Variants in PLEC observed in about 807,000 individuals in gnomAD.
PLEC encodes the protein plectin.
Under a neutral mutation model 392.8 loss-of-function variants are expected in PLEC, and 216 were observed. The observed-to-expected ratio is 0.55, with a 90% CI of 0.49 to 0.62. The LOEUF (loss-of-function observed/expected upper bound fraction) is 0.62. PLEC is among the 20% of genes least tolerant of loss of function. The pLI, the probability that PLEC is intolerant of heterozygous loss-of-function variation, is 0.00. For synonymous variants in PLEC, 3,621 were observed against 2,980.6 expected (o/e 1.21, Z -7.00); for missense variants, 6,863 against 6,563.4 (o/e 1.05, Z -1.58).
Position 143,916,477 on chromosome 8 carries a change from G to T in PLEC, c.13344C>A (p.Asp4448Glu), listed in dbSNP as rs192224737. Reference protein sequence around the residue: ...PKTKLKISYKDALDRSMVEEG... With the variant: ...PKTKLKISYKEALDRSMVEEG... The stretch of plus-strand genomic sequence containing the variant: ...CCTCCACCATGCTGCGGTCCAGCGC[G>T]TCCTTATAGGAGATCTTGAGCTTGG... The change falls in exon 32 of 32, where the codon GAC (aspartate) becomes GAA (glutamate). Residue 4448 changes from aspartate (D) to glutamate (E), a missense_variant. Physicochemically the swap from Asp to Glu is conservative, Grantham distance 45. Coordinates refer to ENST00000345136, the MANE Select transcript of PLEC (RefSeq NM_201384.3). 1 of 1,611,494 alleles carries T rather than the reference G, an allele frequency of 6.2e-7. No individual in the cohort carries two copies. The highest frequency in any genetic ancestry group is 8.5e-7 in the Non-Finnish European group (1 of 1,179,342).
upstream of PLEC, chr8:143,975,078 CTCCCCCACCCAG>C (rs1332021438): frequency 7.4e-7 from 1 of 1,355,424 alleles, no homozygotes; most frequent in Non-Finnish European, 1.0e-6. This position sits in a 1 kb window ranked among gnomAD's most constrained non-coding sequence, Gnocchi z 9.9. Flanking sequence ...CCCCCTAGGC[CTCCCCCACCCAG>C]TCCCCGCTCC....
rs1833328617 is a variant in PLEC at position 143,969,875 on chromosome 8, G to A, written c.70+3528C>T. 1.3e-5 allele frequency among the ~76,000 whole-genome samples: 2 copies of A among 151,968 alleles called. No individual in the cohort carries two copies. Among genetic ancestry groups the A allele is most frequent in the Non-Finnish European group, 2.9e-5 (2 of 67,960 alleles). On this transcript the variant is annotated intron_variant, in intron 1 of 31. Transcript: ENST00000356346. The surrounding 1 kb of genome is among the most constrained non-coding windows in gnomAD (Gnocchi z 5.1). ...CCGGGGTGAGTACCGTTGGTGAGTG[G>A]GTGGCGTTGGTGTGGGGCAGGGGCC...
rs1822923321 is a variant in PLEC at position 143,921,961 on chromosome 8, C to T, written c.7860G>A (p.Val2620=). 6.3e-7 allele frequency: 1 copy of T among 1,598,752 alleles called. No individual in the cohort carries two copies. Among genetic ancestry groups the T allele is most frequent in the African/African-American group, 1.3e-5 (1 of 74,928 alleles). Residue 2620 remains valine, a synonymous_variant, in exon 32 of 32, where the codon GTG becomes GTA. Coordinates refer to ENST00000345136, the MANE Select transcript of PLEC (RefSeq NM_201384.3). The stretch of plus-strand genomic sequence containing the variant: ...CATTGGGCAGGGTCTTTGTGGCAGC[C>T]ACCTGCGAGGCAGTGACCTCCTCTG... ...AHSEEVTASQ[V]AATKTLPNGR... is the part of the protein sequence containing the mutation.
In PLEC at chr8:143,931,579, G is replaced by A. The variant is rs1554715420; in HGVS notation, c.2259C>T (p.Arg753=). The A allele has an allele frequency of 5.0e-6, 8 of 1,598,110 alleles. No individual in the cohort carries two copies. Among genetic ancestry groups the A allele is most frequent in the South Asian group, 3.4e-5 (3 of 88,494 alleles). ...EALRRKYSCD[R]SATVTRLEDL... ...CCTCCAGCCGGGTGACGGTGGCGGA[G>A]CGATCACAACTGTATTTCCTACGCA... is the stretch of plus-strand genomic sequence containing the variant. The change falls in exon 19 of 32, where the codon CGC becomes CGT. Residue 753 remains arginine, a synonymous_variant. Coordinates refer to ENST00000345136, the MANE Select transcript of PLEC (RefSeq NM_201384.3).
chr8:143,953,961 A>G, upstream of PLEC: 1 of 1,329,568 alleles, frequency 7.5e-7, no homozygotes, highest in East Asian at 2.9e-5. Flanking sequence ...TCCCGGCCGC[A>G]CCGCGCACCC....
In PLEC at chr8:143,934,869, G is replaced by C. The variant is rs782002558; in HGVS notation, c.886C>G (p.Arg296Gly). The change falls in exon 9 of 32, where the codon CGA (arginine) becomes GGA (glycine). Residue 296 changes from arginine (R) to glycine (G), a missense_variant. Arg to Gly is a moderately radical substitution (Grantham distance 125, BLOSUM62 -2). Coordinates refer to ENST00000345136, the MANE Select transcript of PLEC (RefSeq NM_201384.3). ...TCCTCAAAGGCGGCCGTGTGGTGTC[G>C]CATCCACTGAAGCAGCAGCAGCACC... ...ELVLLLLQWM[R>G]HHTAAFEERR... is the part of the protein sequence containing the mutation. 6 of 1,610,998 alleles carry C rather than the reference G, an allele frequency of 3.7e-6. No individual in the cohort carries two copies. The highest frequency in any genetic ancestry group is 5.1e-6 in the Non-Finnish European group (6 of 1,179,736).
chr8:143,928,315 T>C (rs1013142038), intron 25 of PLEC, among the ~76,000 whole-genome samples: 5 of 152,218 alleles, frequency 3.3e-5, no homozygotes, highest in Non-Finnish European at 7.3e-5. Context: ...CCACAGGGCC[T>C]GGAAGCGTAG....
At position 143,920,262 on chromosome 8, in the gene PLEC, C is replaced by A; in HGVS notation, c.9559G>T (p.Gly3187Trp). Residue 3187 changes from glycine to tryptophan, a missense_variant, in exon 32 of 32, where the codon GGG becomes TGG. Transcript: ENST00000345136. ...DAKAYSDPST[G>W]EPATYGELQQ... ...AGCTCGCCGTAGGTGGCCGGCTCCC[C>A]TGTGCTGGGGTCACTGTAGGCCTTG... 6.3e-7 allele frequency: 1 copy of A among 1,597,402 alleles called. No homozygotes were observed. The highest frequency in any genetic ancestry group is 8.5e-7 in the Non-Finnish European group (1 of 1,177,392).
At position 143,935,217 on chromosome 8, in the gene PLEC, C is replaced by T. The variant is rs1450900417; in HGVS notation, c.699G>A (p.Thr233=). ...ACGTACCCTCAGGGTCCAGGAGCCGCGTCACTCCCAGGTCCCGCTCCGCCA... is the reference window on the plus strand; with the variant it reads ...ACGTACCCTCAGGGTCCAGGAGCCGTGTCACTCCCAGGTCCCGCTCCGCCA... ...FSVAERDLGV[T]RLLDPEDVDV... The change falls in exon 7 of 32, where the codon ACG becomes ACA. Residue 233 remains threonine (T), a synonymous_variant. Transcript: ENST00000345136. 2.5e-6 allele frequency: 4 copies of T among 1,612,550 alleles called. No individual in the cohort carries two copies. Among genetic ancestry groups the T allele is most frequent in the Admixed American group, 1.7e-5 (1 of 60,010 alleles).
At chr8:143,946,977 C>T (rs1587337938) in intron 1 of PLEC, among the ~76,000 whole-genome samples, 1 of 152,174 alleles carries the variant, frequency 6.6e-6, no homozygotes, top group East Asian at 1.9e-4. Flanking sequence ...CTCCATACCT[C>T]TCCACCCAGG....
chr8:143,950,246 A>C, exon 1 of PLEC: 2 of 1,567,682 alleles, frequency 1.3e-6, no homozygotes, highest in African/African-American at 2.7e-5. Flanking sequence ...AGCAGGCACC[A>C]CAGGGGTCTC....
intron 1 of PLEC, among the ~76,000 whole-genome samples, chr8:143,964,904 C>G (rs1242092843): frequency 6.6e-6 from 1 of 152,152 alleles, no homozygotes; most frequent in Non-Finnish European, 1.5e-5. Flanking sequence ...TCATAAAAGC[C>G]ACAACCAGAG....
At position 143,932,879 on chromosome 8, in the gene PLEC, C is replaced by T. The variant is rs781943261; in HGVS notation, c.1651G>A (p.Val551Met). 23 of 1,612,334 alleles carry T rather than the reference C, an allele frequency of 1.4e-5. No homozygotes were observed. Among genetic ancestry groups the T allele is most frequent in the South Asian group, 2.2e-5 (2 of 91,066 alleles). ...CGGTGGCTGCCCAGCTGCGCCTCCA[C>T]GCTGGGCAGGTCCACACCCCACTCA... Reference protein sequence around the residue: ...GAEWGVDLPSVEAQLGSHRGL... With the variant: ...GAEWGVDLPSMEAQLGSHRGL... The change falls in exon 14 of 32, where the codon GTG becomes ATG. Residue 551 changes from valine to methionine, a missense_variant. Physicochemically the swap from Val to Met is conservative, Grantham distance 21. Coordinates refer to ENST00000345136, the MANE Select transcript of PLEC (RefSeq NM_201384.3).
At chr8:143,973,614 G>A (rs1307206994), upstream of PLEC, 6 of 835,992 alleles carry the variant, frequency 7.2e-6, no homozygotes, top group African/African-American at 1.9e-5. This position sits in a 1 kb window ranked among gnomAD's most constrained non-coding sequence, Gnocchi z 5.6. Flanking sequence ...CCCCACGGGC[G>A]GGGCGGGGCC....
In PLEC at chr8:143,920,395, G is replaced by A. The variant is rs1397622254; in HGVS notation, c.9426C>T (p.Gly3142=). The A allele has an allele frequency of 7.5e-6, 12 of 1,591,482 alleles. No individual in the cohort carries two copies. Among genetic ancestry groups the A allele is most frequent in the African/African-American group, 1.3e-5 (1 of 74,464 alleles). The change falls in exon 32 of 32, where the codon GGC becomes GGT. Residue 3142 remains glycine (G), a synonymous_variant. Transcript: ENST00000345136. The part of the protein sequence containing the change: ...RLLDAQLSTG[G]IVDPSKSHRV... ...GGTGGCTCTTGCTGGGGTCCACGAT[G>A]CCGCCCGTGGACAGCTGGGCGTCCA...
rs202140254 is a variant in PLEC at position 143,916,957 on chromosome 8, C to G, written c.12864G>C (p.Thr4288=). Residue 4288 remains threonine (T), a synonymous_variant, in exon 32 of 32, where the codon ACG becomes ACC. Coordinates refer to ENST00000345136, the MANE Select transcript of PLEC (RefSeq NM_201384.3). ...GPVAGILDTE[T]LEKVSITEAM... ...CCTCGGTGATGGACACCTTCTCCAGCGTCTCCGTGTCCAGGATGCCAGCCA... is the reference window on the plus strand; with the variant it reads ...CCTCGGTGATGGACACCTTCTCCAGGGTCTCCGTGTCCAGGATGCCAGCCA... 1 of 1,612,732 alleles carries G rather than the reference C, an allele frequency of 6.2e-7. No individual in the cohort carries two copies. The highest frequency in any genetic ancestry group is 8.5e-7 in the Non-Finnish European group (1 of 1,179,990).
In PLEC at chr8:143,935,843, T is replaced by C. The variant is rs200744982; in HGVS notation, c.602+5A>G. ...CCACAGCCCCCTGCCCCCGGGGCCA[T>C]GTACTTGTGCCGGTGGATGATGGCA... On this transcript the variant is annotated splice_donor_5th_base_variant and intron_variant, in intron 6 of 31. Transcript: ENST00000345136. The C allele has an allele frequency of 1.9e-4, 310 of 1,612,646 alleles. 1 individual carries two copies. The African/African-American group carries it at 3.8e-3, about 20-fold the overall frequency.
Position 143,929,192 on chromosome 8 carries a change from C to A in PLEC, c.3171G>T (p.Ser1057=). The change falls in exon 25 of 32, where the codon TCG becomes TCT. Residue 1057 remains serine (S), a synonymous_variant. Transcript: ENST00000345136. ...CCGAGCGCAGCGTGGGGGCCGCAGG[C>A]GATGGCTCTGGTAGGGCCAAGACCT... ...AEKVLALPEP[S]PAAPTLRSEL... is the part of the protein sequence containing the mutation. 6.2e-7 allele frequency: 1 copy of A among 1,600,970 alleles called. No homozygotes were observed. The highest frequency in any genetic ancestry group is 8.5e-7 in the Non-Finnish European group (1 of 1,176,692).
chr8:143,932,806 G>T lies in PLEC; in HGVS notation c.1724C>A (p.Ala575Glu), dbSNP rs1554718165. 6.2e-7 allele frequency: 1 copy of T among 1,612,348 alleles called. No homozygotes were observed. Among genetic ancestry groups the T allele is most frequent in the Admixed American group, 1.7e-5 (1 of 59,988 alleles). ...IEEFRAKIERARSDEGQLSPA... is the reference protein window; with the variant it reads ...IEEFRAKIERERSDEGQLSPA... Reference sequence around the variant, plus strand: ...AGCGCCACCCACCTCGTCACTCCGTGCCCGCTCGATCTTGGCCCGGAATTC... The same window carrying T: ...AGCGCCACCCACCTCGTCACTCCGTTCCCGCTCGATCTTGGCCCGGAATTC... Residue 575 changes from alanine to glutamate, a missense_variant, in exon 14 of 32, where the codon GCA (alanine) becomes GAA (glutamate). By Grantham distance (107) the Ala-to-Glu change is moderately radical. Coordinates refer to ENST00000345136, the MANE Select transcript of PLEC (RefSeq NM_201384.3).
Sources: gnomAD v4.1 joint callset for allele counts (sites outside exome capture counted in the v4.1 genomes callset) on GRCh38, gnomAD v4.1.1 for gene constraint, Gnocchi (gnomAD v3.1) non-coding constraint, MANE v1.5 for transcripts, NCBI Gene and HGNC (gene_info 2026-07-23, HGNC 2026-07-21) for gene names.